AGFG1: variants seen among roughly 807,000 people sequenced by gnomAD.
AGFG1 encodes the protein arf-GAP domain and FG repeat-containing protein 1.
A neutral mutation model predicts 60.6 loss-of-function variants in AGFG1; 10 were observed. That is an observed-to-expected ratio of 0.16 (90% CI 0.10 to 0.28). AGFG1 has a LOEUF of 0.28. AGFG1 is among the 10% of genes least tolerant of loss of function. The pLI, the probability that AGFG1 is intolerant of heterozygous loss-of-function variation, is 1.00. For synonymous variants in AGFG1, 247 were observed against 242.9 expected (o/e 1.02, Z -0.16); for missense variants, 537 against 676.5 (o/e 0.79, Z 2.29).
chr2:227,472,695 G>A, intron 1 of AGFG1, 107 bp downstream of exon 1: 1 of 1,274,306 alleles, frequency 7.8e-7, no homozygotes, highest in South Asian at 2.0e-5. Context: ...GGTGCCGTGG[G>A]AGGCGGTCGG....
chr2:227,544,316 G>A (rs766428900), intron 10 of AGFG1, among the ~76,000 whole-genome samples: 4 of 151,820 alleles, frequency 2.6e-5, no homozygotes, highest in African/African-American at 4.8e-5. Context: ...CACCACACCC[G>A]GCTAATTTTT....
Position 227,557,383 on chromosome 2 carries a change from C to T in AGFG1, c.*2888C>T, listed in dbSNP as rs189189295. 4.6e-5 allele frequency: 7 copies of T among 152,134 alleles called. No homozygotes were observed. Among genetic ancestry groups the T allele is most frequent in the East Asian group, 3.9e-4 (2 of 5,188 alleles). The allele number at this position is 152,134 out of a possible 1,614,324, so 9.4% of individuals were successfully genotyped here. ...TTAGTGCTTTACCTGTGAAATTCCCCGCCCCCCTGCACACACACCCACTTT... is the reference window on the plus strand; with the variant it reads ...TTAGTGCTTTACCTGTGAAATTCCCTGCCCCCCTGCACACACACCCACTTT... On this transcript the variant is annotated 3_prime_UTR_variant, in exon 13 of 13. Transcript: ENST00000310078.
intron 2 of AGFG1, among the ~76,000 whole-genome samples, chr2:227,502,133 C>G (rs977965293): frequency 6.6e-6 from 1 of 152,168 alleles, no homozygotes; most frequent in Non-Finnish European, 1.5e-5. Flanking sequence ...GCGAGGATTA[C>G]AGGCCTGAGC....
chr2:227,533,631 C>G lies in AGFG1; in HGVS notation c.897C>G (p.Phe299Leu). 6.2e-7 allele frequency: 1 copy of G among 1,613,842 alleles called. No individual in the cohort carries two copies. Among genetic ancestry groups the G allele is most frequent in the Admixed American group, 1.7e-5 (1 of 59,988 alleles). The change falls in exon 7 of 13, where the codon TTC becomes TTG. Residue 299 changes from phenylalanine (F) to leucine (L), a missense_variant. Phe to Leu is a conservative substitution (Grantham distance 22). Around this residue, in one of 4 missense-constraint regions of AGFG1, gnomAD observed 287 missense variants for 343.6 expected, o/e 0.84. Coordinates refer to ENST00000310078, the MANE Select transcript of AGFG1 (RefSeq NM_004504.5). ...CCTCCAGTGCTGATTTTGGAACCTT[C>G]AATACTTCCCAGAGTCATCAAACAG... ...PKSSSADFGT[F>L]NTSQSHQTAS...
chr2:227,476,061 T>C (rs1277190685), intron 1 of AGFG1, among the ~76,000 whole-genome samples: 1 of 152,240 alleles, frequency 6.6e-6, no homozygotes, highest in Non-Finnish European at 1.5e-5. Flanking sequence ...CTAATCTTTC[T>C]TGTTTCTTTT....
intron 1 of AGFG1, among the ~76,000 whole-genome samples, chr2:227,474,410 T>C (rs1430552976): frequency 6.6e-6 from 1 of 152,230 alleles, no homozygotes; most frequent in Non-Finnish European, 1.5e-5. Flanking sequence ...ATGTGTAATA[T>C]CAAGGACATA....
At chr2:227,547,191 G>T (rs892575796) in intron 10 of AGFG1, among the ~76,000 whole-genome samples, 1 of 152,114 alleles carries the variant, frequency 6.6e-6, no homozygotes, top group African/African-American at 2.4e-5. Context: ...CACTTCACTT[G>T]CCTAGCATAC....
intron 10 of AGFG1, among the ~76,000 whole-genome samples, chr2:227,542,225 A>C (rs564427961): frequency 3.2e-4 from 48 of 152,244 alleles, no homozygotes; most frequent in African/African-American, 1.1e-3. Context: ...GAGAGGGCAT[A>C]CCTGTCATGT....
At chr2:227,505,725 A>G (rs1023176578) in intron 2 of AGFG1, among the ~76,000 whole-genome samples, 8 of 150,910 alleles carry the variant, frequency 5.3e-5, no homozygotes, top group Admixed American at 1.3e-4. Flanking sequence ...TGGTCTTTTT[A>G]TTTTGTTTTT....
Position 227,506,558 on chromosome 2 carries a change from T to TAAAAA in AGFG1, c.262-13373_262-13369dup, listed in dbSNP as rs5839223. On this transcript the variant is annotated intron_variant, in intron 2 of 12. Transcript: ENST00000310078. ...ATGACTGCTTTCAAGTGATGTTCCT[T>TAAAAA]AAAAAAAAAAAAAAAAAAAAAGCAC... 7.5e-3 allele frequency among the ~76,000 whole-genome samples: 795 copies of TAAAAA among 106,252 alleles called. 14 individuals are homozygous for TAAAAA. The highest frequency in any genetic ancestry group is 0.032 in the Admixed American group (286 of 8,986). The allele number at this position is 106,252 out of a possible 152,430, so 69.7% of individuals were successfully genotyped here.
chr2:227,542,861 T>C (rs1002385988), intron 10 of AGFG1, among the ~76,000 whole-genome samples: 1 of 101,752 alleles, frequency 9.8e-6, no homozygotes, highest in African/African-American at 4.0e-5. Context: ...GGGATTCAAC[T>C]TCATCCTGGT....
chr2:227,521,365 C>T (rs1440453994), intron 3 of AGFG1, among the ~76,000 whole-genome samples: 2 of 152,102 alleles, frequency 1.3e-5, no homozygotes, highest in South Asian at 2.1e-4. Context: ...CTGTGCCCGG[C>T]CTAAAATAGA....
At chr2:227,536,419 T>C (rs1692315607) in intron 8 of AGFG1, among the ~76,000 whole-genome samples, 1 of 152,182 alleles carries the variant, frequency 6.6e-6, no homozygotes, top group Admixed American at 6.5e-5. Flanking sequence ...TTTACTTGTA[T>C]TTTTTATTTT....
Position 227,521,838 on chromosome 2 carries a change from A to G in AGFG1, c.377+1775A>G, listed in dbSNP as rs116431149. ...CAAACTATAACGCAAATACCTAGAA[A>G]CCTCAAATAATTACAGTTTATGTTA... On this transcript the variant is annotated intron_variant, in intron 3 of 12. Transcript: ENST00000310078. Among the ~76,000 whole-genome samples, 488 of 152,308 alleles carry G rather than the reference A, an allele frequency of 3.2e-3. 1 individual carries two copies. The highest frequency in any genetic ancestry group is 4.8e-3 in the Non-Finnish European group (325 of 68,032).
At chr2:227,528,985 C>T (rs950729567) in intron 5 of AGFG1, among the ~76,000 whole-genome samples, 1 of 152,166 alleles carries the variant, frequency 6.6e-6, no homozygotes, top group Non-Finnish European at 1.5e-5. Context: ...GTGAGTCAGG[C>T]TGCCTGAGAG....
At chr2:227,510,454 CA>C (rs1045262877) in intron 2 of AGFG1, among the ~76,000 whole-genome samples, 15 of 151,878 alleles carry the variant, frequency 9.9e-5, no homozygotes, top group African/African-American at 3.6e-4. Flanking sequence ...AGTAAACAAA[CA>C]AAAAGTAGTA....
chr2:227,545,013 A>G (rs186336706), intron 10 of AGFG1, among the ~76,000 whole-genome samples: 116 of 152,208 alleles, frequency 7.6e-4, no homozygotes, highest in African/African-American at 2.6e-3. Context: ...TTGCCTTGCT[A>G]TATTGGGGAA....
chr2:227,550,097 G>A lies in AGFG1; in HGVS notation c.1379-1862G>A, dbSNP rs200197703. On this transcript the variant is annotated intron_variant, in intron 10 of 12. Transcript: ENST00000310078. ...AATGCATTCTCAAGTGTTTCCTCAC[G>A]CTCATTTTGGTAGGTGGCCACAATT... The A allele has an allele frequency of 1.8e-5, 8 of 439,912 alleles. 1 individual carries two copies. The highest frequency in any genetic ancestry group is 8.0e-5 in the Admixed American group (3 of 37,302). The allele number at this position is 439,912 out of a possible 1,614,324, so 27.3% of individuals were successfully genotyped here. A position where few individuals can be genotyped will look rare whatever the true frequency, so the allele number is the denominator to read the frequency against.
intron 2 of AGFG1, among the ~76,000 whole-genome samples, chr2:227,507,673 A>G (rs1691366416): frequency 6.6e-6 from 1 of 150,514 alleles, no homozygotes; most frequent in Non-Finnish European, 1.5e-5. Flanking sequence ...CTGTTTTTAT[A>G]AATAAAAGTT....
Sources: allele counts gnomAD v4.1 joint callset (sites outside exome capture counted in the v4.1 genomes callset), GRCh38; gene constraint gnomAD v4.1.1; regional missense constraint gnomAD v4.1.1; transcripts MANE v1.5; gene names NCBI Gene and HGNC (gene_info 2026-07-23, HGNC 2026-07-21).